SUSD2: variants seen among roughly 807,000 people sequenced by gnomAD.
SUSD2 encodes the protein sushi domain-containing protein 2.
In SUSD2, 86 loss-of-function variants were observed where a neutral mutation model predicts 93.8. The ratio of observed to expected loss-of-function variants is 0.92; its 90% CI spans 0.77 to 1.10. The LOEUF (loss-of-function observed/expected upper bound fraction) is 1.10. Among genes scored for constraint, SUSD2 ranks in the 50% least tolerant of loss-of-function variants. The pLI, the probability that SUSD2 is intolerant of heterozygous loss-of-function variation, is 0.00. For synonymous variants in SUSD2, 483 were observed against 485.0 expected, an observed-to-expected ratio of 1.00 and a Z score of 0.05; for missense variants, 1,060 against 1,137.0, an observed-to-expected ratio of 0.93 and a Z score of 0.97.
Position 24,184,203 on chromosome 22 carries a change from C to A in SUSD2, c.507C>A (p.Tyr169Ter), listed in dbSNP as rs778751337. Reference protein sequence around the residue: ...ELVNETRWQYYGTANTSGNLS... With the variant: ...ELVNETRWQY ...TGAACGAGACGCGTTGGCAATACTA[C>A]GGCACCGCCAACACCTCAGGCAACC... Residue 169 changes from tyrosine to a stop codon, truncating the protein, a stop_gained, in exon 4 of 15, where the codon TAC (tyrosine) becomes TAA (stop). Transcript: ENST00000358321. LOFTEE classifies it high-confidence loss of function. 4.3e-6 allele frequency: 7 copies of A among 1,613,514 alleles called. No homozygotes were observed. Among genetic ancestry groups the A allele is most frequent in the Non-Finnish European group, 5.9e-6 (7 of 1,179,964 alleles).
At position 24,187,586 on chromosome 22, in the gene SUSD2, C is replaced by T. The variant is rs748381886; in HGVS notation, c.1907C>T (p.Ala636Val). 189 of 1,612,390 alleles carry T rather than the reference C, an allele frequency of 1.2e-4. No individual in the cohort carries two copies. The highest frequency in any genetic ancestry group is 1.6e-4 in the Non-Finnish European group (183 of 1,179,004). The change falls in exon 12 of 15, where the codon GCG becomes GTG. Residue 636 changes from alanine (A) to valine (V), a missense_variant. Transcript: ENST00000358321. ...TATCTTCCAGGGACCGTGCACAATG[C>T]GTCCTCCCTGCTCACCTACGATTCC... The part of the protein sequence containing the change: ...LFGANWTVHN[A>V]SSLLTYDSWF...
At chr22:24,187,170 G>T (rs17642338) in intron 10 of SUSD2, 32 bp from the exon 11 acceptor site, 2 of 1,599,722 alleles carry the variant, frequency 1.3e-6, no homozygotes, top group Admixed American at 3.3e-5. Context: ...TGCTCACAGC[G>T]GGTGACCCTA....
intron 10 of SUSD2, 34 bp from the exon 11 acceptor site, chr22:24,187,168 G>T (rs1297482718): frequency 1.4e-5 from 23 of 1,598,092 alleles, no homozygotes; most frequent in Non-Finnish European, 1.9e-5. Context: ...GATGCTCACA[G>T]CGGGTGACCC....
chr22:24,184,780 C>T lies in SUSD2; in HGVS notation c.622C>T (p.Gln208Ter). ...CTCTCCCTCAGGAATGCCCTACTCACAGGAGTGGACTGCAAAGTGGTCGTA... is the reference window on the plus strand; with the variant it reads ...CTCTCCCTCAGGAATGCCCTACTCATAGGAGTGGACTGCAAAGTGGTCGTA... ...GYEETGMPYS[Q>*]EWTAKWSYLY... is the part of the protein sequence containing the mutation. Residue 208 changes from glutamine (Q) to a stop codon, truncating the protein, a stop_gained, in exon 5 of 15, where the codon CAG becomes TAG. Transcript: ENST00000358321. LOFTEE classifies it high-confidence loss of function. 5 of 1,601,164 alleles carry T rather than the reference C, an allele frequency of 3.1e-6. No homozygotes were observed. The highest frequency in any genetic ancestry group is 2.7e-5 in the African/African-American group (2 of 74,484).
Position 24,188,207 on chromosome 22 carries a change from C to T in SUSD2, c.2342-18C>T. The T allele has an allele frequency of 6.3e-7, 1 of 1,590,082 alleles. No individual in the cohort carries two copies. Among genetic ancestry groups the T allele is most frequent in the Non-Finnish European group, 8.6e-7 (1 of 1,164,824 alleles). On this transcript the variant is annotated intron_variant, in intron 13 of 14. Coordinates refer to ENST00000358321, the MANE Select transcript of SUSD2 (RefSeq NM_019601.4). The surrounding 1 kb of genome is among the most constrained non-coding windows in gnomAD (Gnocchi z 4.7). ...CCACCCCAGAGAGCCCCCTCACTGA[C>T]ACTCGCTCCCTCACCAGGACGCAGC...
intron 4 of SUSD2, 145 bp downstream of exon 4, chr22:24,184,448 C>T (rs1017045055): frequency 1.3e-5 from 12 of 918,792 alleles, no homozygotes; most frequent in Middle Eastern, 3.3e-4. Flanking sequence ...ATTGAGGATT[C>T]GGATGGAGGG....
In SUSD2 at chr22:24,188,127, GC is replaced by G. The variant is rs768201438; in HGVS notation, c.2335del (p.Gln779SerfsTer126). ...DGTWSSPTPK[C>X]QPGRSYAVLL... ...ACCTGGTCCTCACCCACCCCGAAGTGCCAGCCAGGTGAGGACACTCTGCTCA... is the reference window on the plus strand; with the variant it reads ...ACCTGGTCCTCACCCACCCCGAAGTGCAGCCAGGTGAGGACACTCTGCTCA... On this transcript the variant is annotated frameshift_variant, in exon 13 of 15. Transcript: ENST00000358321. LOFTEE classifies it high-confidence loss of function. The surrounding 1 kb of genome is among the most constrained non-coding windows in gnomAD (Gnocchi z 4.7). 8.7e-5 allele frequency: 141 copies of G among 1,612,268 alleles called. No homozygotes were observed. The Middle Eastern group carries it at 3.6e-3, about 42-fold the overall frequency.
rs1485764549 is a variant in SUSD2, at chr22:24,185,697, A to G, written c.1107A>G (p.Thr369=). 7 of 1,610,926 alleles carry G rather than the reference A, an allele frequency of 4.3e-6. No individual in the cohort carries two copies. The highest frequency in any genetic ancestry group is 5.9e-6 in the Non-Finnish European group (7 of 1,179,442). Residue 369 remains threonine, a synonymous_variant, in exon 8 of 15, where the codon ACA becomes ACG. Transcript: ENST00000358321. ...RYGSGQQCCY[T]ADGTQLLTAD... ...GCTCAGGTCAGCAGTGCTGCTACAC[A>G]GCGGACGGGACGCAGCTCCTGACAG... is the stretch of plus-strand genomic sequence containing the variant.
In SUSD2 at chr22:24,185,314, C is replaced by A; in HGVS notation, c.984+19C>A. 1 of 1,600,006 alleles carries A rather than the reference C, an allele frequency of 6.2e-7. No individual in the cohort carries two copies. Among genetic ancestry groups the A allele is most frequent in the Non-Finnish European group, 8.5e-7 (1 of 1,178,112 alleles). On this transcript the variant is annotated intron_variant, in intron 6 of 14. Coordinates refer to ENST00000358321, the MANE Select transcript of SUSD2 (RefSeq NM_019601.4). ...CTTCTTCGTGAGCCTCCCATCAGGG[C>A]CCAGGAGAGGGGATGAGGGGTTAGC...
At chr22:24,182,344 C>T (rs1417785285) in intron 1 of SUSD2, among the ~76,000 whole-genome samples, 1 of 152,152 alleles carries the variant, frequency 6.6e-6, no homozygotes, top group Non-Finnish European at 1.5e-5. Context: ...AGTTTTGGGC[C>T]CGGCGCCCAC....
chr22:24,187,186 TC>T lies in SUSD2; in HGVS notation c.1643-11del. 1 of 1,607,670 alleles carries T rather than the reference TC, an allele frequency of 6.2e-7. No individual in the cohort carries two copies. The stretch of plus-strand genomic sequence containing the variant: ...GCTCACAGCGGGTGACCCTAATGCA[TC>T]CCCCTTGAGCCCAGGAATGTTCCTG... On this transcript the variant is annotated splice_polypyrimidine_tract_variant and intron_variant, in intron 10 of 14. Transcript: ENST00000358321.
Position 24,183,366 on chromosome 22 carries a change from G to A in SUSD2, c.287+99G>A, listed in dbSNP as rs2047337859. On this transcript the variant is annotated intron_variant, in intron 2 of 14. Transcript: ENST00000358321. Reference sequence around the variant, plus strand: ...CTGACTGGCTGAGTGGAGCCCCTCGGACCCAGGACAGGCAGGAGGGCACAG... The same window carrying A: ...CTGACTGGCTGAGTGGAGCCCCTCGAACCCAGGACAGGCAGGAGGGCACAG... 4.6e-6 allele frequency: 7 copies of A among 1,536,962 alleles called. No individual in the cohort carries two copies. The Admixed American group carries it at 1.2e-4, about 27-fold the overall frequency.
At position 24,183,117 on chromosome 22, in the gene SUSD2, C is replaced by T. The variant is rs200621198; in HGVS notation, c.137C>T (p.Pro46Leu). ...GALDGPCSCHPTCSGLGTCCL... is the reference protein window; with the variant it reads ...GALDGPCSCHLTCSGLGTCCL... ...CTGGACGGGCCATGTTCCTGCCACC[C>T]GACGTGCTCTGGCCTTGGCACCTGC... The change falls in exon 2 of 15, where the codon CCG (proline) becomes CTG (leucine). Residue 46 changes from proline to leucine, a missense_variant. By Grantham distance (98) the Pro-to-Leu change is moderately conservative. This residue lies in a region of SUSD2 where 87 missense variants were observed against 131.6 expected (regional missense o/e 0.66). Transcript: ENST00000358321. 6.4e-5 allele frequency: 104 copies of T among 1,614,044 alleles called. No individual in the cohort carries two copies. Among genetic ancestry groups the T allele is most frequent in the Admixed American group, 2.5e-4 (15 of 60,028 alleles).
intron 11 of SUSD2, 30 bp downstream of exon 11, chr22:24,187,480 CG>C: frequency 2.5e-6 from 4 of 1,608,816 alleles, no homozygotes; most frequent in Non-Finnish European, 3.4e-6. Flanking sequence ...ATGGGGCAGA[CG>C]GGGTGGGGGT....
At position 24,181,564 on chromosome 22, in the gene SUSD2, A is replaced by G; in HGVS notation, c.45A>G (p.Thr15=). Residue 15 remains threonine (T), a synonymous_variant, in exon 1 of 15, where the codon ACA becomes ACG. Transcript: ENST00000358321. ...CCTGGGCCCTGCTGCTGCTGGCGACAGCCCTCGGCCCGGGCCCCGGACCCA... is the reference window on the plus strand; with the variant it reads ...CCTGGGCCCTGCTGCTGCTGGCGACGGCCCTCGGCCCGGGCCCCGGACCCA... ...LLPWALLLLA[T]ALGPGPGPTA... is the part of the protein sequence containing the mutation. The G allele has an allele frequency of 4.4e-6, 7 of 1,600,404 alleles. No individual in the cohort carries two copies. Among genetic ancestry groups the G allele is most frequent in the Non-Finnish European group, 6.0e-6 (7 of 1,175,812 alleles).
In SUSD2 at chr22:24,185,193, G is replaced by A; in HGVS notation, c.882G>A (p.Gln294=). 1 of 1,611,978 alleles carries A rather than the reference G, an allele frequency of 6.2e-7. No homozygotes were observed. Among genetic ancestry groups the A allele is most frequent in the Non-Finnish European group, 8.5e-7 (1 of 1,179,926 alleles). ...DPVAWARTQC[Q]AWEELEDQLP... is the part of the protein sequence containing the mutation. The stretch of plus-strand genomic sequence containing the variant: ...TGGCCTGGGCACGAACTCAGTGCCA[G>A]GCCTGGGAGGAGCTGGAGGATCAGC... The change falls in exon 6 of 15, where the codon CAG becomes CAA. Residue 294 remains glutamine, a synonymous_variant. Coordinates refer to ENST00000358321, the MANE Select transcript of SUSD2 (RefSeq NM_019601.4).
rs1449438796 is a variant in SUSD2, at chr22:24,186,265, A to G, written c.1492A>G (p.Thr498Ala). Residue 498 changes from threonine to alanine, a missense_variant, in exon 10 of 15, where the codon ACC (threonine) becomes GCC (alanine). Thr to Ala is a moderately conservative substitution (Grantham distance 58). Around this residue, in one of 2 missense-constraint regions of SUSD2, gnomAD observed 973 missense variants for 1,005.3 expected, o/e 0.97. Coordinates refer to ENST00000358321, the MANE Select transcript of SUSD2 (RefSeq NM_019601.4). ...TGCTCCCACCACCGCAGGCACGGAGACCCGTGGCACTGGGCTGACCGCAGT... is the reference window on the plus strand; with the variant it reads ...TGCTCCCACCACCGCAGGCACGGAGGCCCGTGGCACTGGGCTGACCGCAGT... ...QPGTMSNGTE[T>A]RGTGLTAVAV... 2 of 1,613,268 alleles carry G rather than the reference A, an allele frequency of 1.2e-6. No individual in the cohort carries two copies. The highest frequency in any genetic ancestry group is 2.7e-5 in the African/African-American group (2 of 74,924).
intron 3 of SUSD2, 42 bp from the exon 4 acceptor site, chr22:24,184,094 C>G: frequency 6.2e-7 from 1 of 1,605,304 alleles, no homozygotes; most frequent in Non-Finnish European, 8.5e-7. Flanking sequence ...CCCTGCTTCC[C>G]TGGGCCCAGG....
Position 24,186,237 on chromosome 22 carries a change from T to A in SUSD2, c.1484-20T>A, listed in dbSNP as rs1601341544. 6.2e-7 allele frequency: 1 copy of A among 1,612,132 alleles called. No homozygotes were observed. The highest frequency in any genetic ancestry group is 1.7e-5 in the Admixed American group (1 of 59,886). On this transcript the variant is annotated intron_variant, in intron 9 of 14. Transcript: ENST00000358321. ...GGAGGCTGGAGCCAAGTGGCTCCCG[T>A]TCTGCTCCCACCACCGCAGGCACGG...
Sources: allele counts gnomAD v4.1 joint callset (sites outside exome capture counted in the v4.1 genomes callset), GRCh38; gene constraint gnomAD v4.1.1; regional missense constraint gnomAD v4.1.1; non-coding constraint Gnocchi (gnomAD v3.1); transcripts MANE v1.5; gene names NCBI Gene and HGNC (gene_info 2026-07-23, HGNC 2026-07-21).